Variants in ARAP2 observed in about 807,000 individuals in gnomAD.
The protein encoded by ARAP2 is arf-GAP with Rho-GAP domain, ANK repeat and PH domain-containing protein 2.
Under a neutral mutation model 194.5 loss-of-function variants are expected in ARAP2, and 148 were observed. That is an observed-to-expected ratio of 0.76 (90% CI 0.67 to 0.87). The LOEUF is 0.87. ARAP2 is among the 40% of genes least tolerant of loss of function. ARAP2 has a pLI of 0.00. For missense variants in ARAP2, 2,128 were observed against 1,989.7 expected (o/e 1.07, Z -1.32); for synonymous variants, 695 against 683.5 (o/e 1.02, Z -0.26).
chr4:36,099,070 G>A (rs1336383677), intron 27 of ARAP2, among the ~76,000 whole-genome samples: 1 of 151,452 alleles, frequency 6.6e-6, no homozygotes, highest in Non-Finnish European at 1.5e-5. Flanking sequence ...CCATGGACAG[G>A]CCCTGGTGTG....
intron 6 of ARAP2, among the ~76,000 whole-genome samples, chr4:36,206,768 C>T (rs913695939): frequency 6.6e-6 from 1 of 152,184 alleles, no homozygotes; most frequent in Non-Finnish European, 1.5e-5. Flanking sequence ...GTGTCCTCCT[C>T]CACCTCCAAG....
At chr4:36,143,053 A>C (rs992832142) in intron 19 of ARAP2, among the ~76,000 whole-genome samples, 1 of 151,782 alleles carries the variant, frequency 6.6e-6, no homozygotes, top group Non-Finnish European at 1.5e-5. Flanking sequence ...TAGTCACAGA[A>C]TACACAAACA....
chr4:36,174,634 C>T (rs947945783), intron 9 of ARAP2, among the ~76,000 whole-genome samples: 1 of 152,100 alleles, frequency 6.6e-6, no homozygotes, highest in Non-Finnish European at 1.5e-5. Flanking sequence ...ATTCTACAAC[C>T]CCTTTCCAGA....
chr4:36,119,536 TAC>T (rs1269780779), intron 24 of ARAP2, 112 bp downstream of exon 24: 2 of 635,816 alleles, frequency 3.1e-6, no homozygotes, highest in Non-Finnish European at 2.5e-6. Context: ...TTTCACTCAT[TAC>T]TTTTACTTTG....
intron 19 of ARAP2, among the ~76,000 whole-genome samples, chr4:36,141,910 A>G (rs1226276426): frequency 6.6e-6 from 1 of 151,674 alleles, no homozygotes; most frequent in Non-Finnish European, 1.5e-5. Flanking sequence ...GCTGACAGTC[A>G]TCATTTCCCA....
intron 26 of ARAP2, among the ~76,000 whole-genome samples, chr4:36,110,917 A>G (rs151190939): frequency 5.9e-5 from 9 of 152,092 alleles, no homozygotes; most frequent in Non-Finnish European, 1.2e-4. Flanking sequence ...CTTCAGGCAT[A>G]TAGGAGTTTC....
chr4:36,073,664 T>C (rs759356957), intron 32 of ARAP2, 25 bp downstream of exon 32: 1 of 1,607,240 alleles, frequency 6.2e-7, no homozygotes, highest in Admixed American at 1.7e-5. Flanking sequence ...TAATTGAATA[T>C]AAAACAAACA....
rs758697662 is a variant in ARAP2, at chr4:36,213,312, A to G, written c.972T>C (p.Asn324=). Residue 324 remains asparagine, a synonymous_variant, in exon 4 of 33, where the codon AAT becomes AAC. Coordinates refer to ENST00000303965, the MANE Select transcript of ARAP2 (RefSeq NM_015230.4). ...GAAAGATGGAAGATGAATTCTCCTC[A>G]TTTGAATCTTTTAGGGGAATTACAG... ...TEKSVAWQNS[N]EENSSSIFPY... is the part of the protein sequence containing the mutation. 1 of 1,603,670 alleles carries G rather than the reference A, an allele frequency of 6.2e-7. No homozygotes were observed. The highest frequency in any genetic ancestry group is 1.7e-5 in the Admixed American group (1 of 59,864).
intron 22 of ARAP2, among the ~76,000 whole-genome samples, chr4:36,124,658 T>C (rs1195553945): frequency 6.6e-6 from 1 of 151,888 alleles, no homozygotes. Flanking sequence ...TGCTTATGCA[T>C]CAGATGCATT....
At chr4:36,234,116 G>T (rs771579550) in intron 1 of ARAP2, among the ~76,000 whole-genome samples, 1 of 152,178 alleles carries the variant, frequency 6.6e-6, no homozygotes, top group Non-Finnish European at 1.5e-5. Flanking sequence ...TCTCTCAAAT[G>T]CATCACATTC....
At chr4:36,121,424 G>T in intron 22 of ARAP2, 98 bp from the exon 23 acceptor site, 2 of 1,108,142 alleles carry the variant, frequency 1.8e-6, no homozygotes, top group Non-Finnish European at 2.5e-6. Flanking sequence ...AGCAATATTG[G>T]AATTCTCTGA....
chr4:36,175,651 G>A (rs879346344), intron 9 of ARAP2, among the ~76,000 whole-genome samples: 3 of 152,002 alleles, frequency 2.0e-5, no homozygotes, highest in Non-Finnish European at 2.9e-5. Flanking sequence ...GTGTGTGTGT[G>A]TATATATATG....
chr4:36,197,765 T>C (rs1182158325), intron 6 of ARAP2, among the ~76,000 whole-genome samples: 1 of 152,194 alleles, frequency 6.6e-6, no homozygotes, highest in Non-Finnish European at 1.5e-5. Context: ...GGTGTCTGCA[T>C]GGGTGCCGGC....
chr4:36,112,798 A>T (rs979517822), intron 26 of ARAP2, among the ~76,000 whole-genome samples: 1 of 151,960 alleles, frequency 6.6e-6, no homozygotes, highest in Admixed American at 6.6e-5. Flanking sequence ...GACAAAGTAC[A>T]ATGAAAATTT....
At chr4:36,062,361 G>C (rs1235140037), downstream of ARAP2, among the ~76,000 whole-genome samples, 1 of 152,140 alleles carries the variant, frequency 6.6e-6, no homozygotes, top group Non-Finnish European at 1.5e-5. Flanking sequence ...ACCAGGTACT[G>C]TGAGTGCTCA....
At chr4:36,223,915 G>A (rs1167080896) in intron 2 of ARAP2, among the ~76,000 whole-genome samples, 2 of 152,022 alleles carry the variant, frequency 1.3e-5, no homozygotes, top group Non-Finnish European at 2.9e-5. Flanking sequence ...ATTTCGTCAT[G>A]GTAGCCAGAG....
Position 36,229,094 on chromosome 4 carries a change from A to G in ARAP2, c.393T>C (p.Asp131=). The G allele has an allele frequency of 6.2e-7, 1 of 1,614,064 alleles. No homozygotes were observed. The part of the protein sequence containing the change: ...ETVRKNLEDS[D]ASVERSQYPQ... ...GATACTGGCTTCTTTCCACACTTGC[A>G]TCACTGTCTTCAAGATTTTTTCTAA... Residue 131 remains aspartate, a synonymous_variant, in exon 2 of 33, where the codon GAT becomes GAC. Transcript: ENST00000303965.
intron 9 of ARAP2, among the ~76,000 whole-genome samples, chr4:36,175,273 C>T (rs1218400794): frequency 2.0e-5 from 3 of 152,144 alleles, no homozygotes; most frequent in African/African-American, 7.2e-5. Flanking sequence ...AATCATCTTA[C>T]TATTGTTTAG....
chr4:36,049,720 G>A (rs1322389063), intron 3 of ARAP2, among the ~76,000 whole-genome samples: 2 of 152,088 alleles, frequency 1.3e-5, no homozygotes, highest in Non-Finnish European at 2.9e-5. Context: ...GTTAAATAAT[G>A]TTAAAGAAAA....
Sources: gnomAD v4.1 joint callset for allele counts (sites outside exome capture counted in the v4.1 genomes callset) on GRCh38, gnomAD v4.1.1 for gene constraint, MANE v1.5 for transcripts, NCBI Gene and HGNC (gene_info 2026-07-23, HGNC 2026-07-21) for gene names.